Variants in RPTOR observed in about 807,000 individuals in gnomAD.
RPTOR encodes regulatory-associated protein of mTOR.
Under a neutral mutation model 169.9 loss-of-function variants are expected in RPTOR, and 21 were observed. That is an observed-to-expected ratio of 0.12 (90% CI 0.09 to 0.18). The LOEUF is 0.18. RPTOR is among the 10% of genes least tolerant of loss of function. The pLI, the probability that RPTOR is intolerant of heterozygous loss-of-function variation, is 1.00. For synonymous variants in RPTOR, 732 were observed against 753.2 expected (o/e 0.97, Z 0.46); for missense variants, 1,133 against 1,855.9 (o/e 0.61, Z 7.16).
intron 6 of RPTOR, among the ~76,000 whole-genome samples, chr17:80,768,204 G>A (rs1207196769): frequency 6.6e-6 from 1 of 151,972 alleles, no homozygotes; most frequent in Admixed American, 6.6e-5. Context: ...TATATTTTTG[G>A]TTCACGTTGG....
At chr17:80,832,456 C>T (rs1252158798) in intron 9 of RPTOR, among the ~76,000 whole-genome samples, 1 of 152,212 alleles carries the variant, frequency 6.6e-6, no homozygotes, top group East Asian at 1.9e-4. Flanking sequence ...GGTCCAGCCT[C>T]ATCCAGGGAG....
chr17:80,867,700 C>T (rs910151821), intron 13 of RPTOR, among the ~76,000 whole-genome samples: 32 of 151,942 alleles, frequency 2.1e-4, no homozygotes, highest in African/African-American at 6.3e-4. Context: ...ATACAAAAAT[C>T]AATTTATGTA....
chr17:80,765,270 C>T (rs562691814), intron 6 of RPTOR, among the ~76,000 whole-genome samples: 20 of 152,262 alleles, frequency 1.3e-4, no homozygotes, highest in Non-Finnish European at 1.8e-4. Context: ...CACTTGCTCT[C>T]AGTTCTTCTT....
chr17:80,626,776 A>AATTATTATTATTATTATT (rs143412094), intron 2 of RPTOR, among the ~76,000 whole-genome samples: 2 of 141,018 alleles, frequency 1.4e-5, no homozygotes, highest in African/African-American at 2.6e-5. Flanking sequence ...CCATTCTAGG[A>AATTATTATTATTATTATT]ATTATTATTA....
chr17:80,649,085 A>G (rs1201597056), intron 3 of RPTOR, among the ~76,000 whole-genome samples: 1 of 152,238 alleles, frequency 6.6e-6, no homozygotes, highest in Non-Finnish European at 1.5e-5. Context: ...ATACAGATGC[A>G]GTCAAGACGC....
At chr17:80,829,582 A>C (rs112142804) in intron 9 of RPTOR, among the ~76,000 whole-genome samples, 6 of 152,208 alleles carry the variant, frequency 3.9e-5, no homozygotes, top group African/African-American at 1.4e-4. Context: ...ATGAACCCCT[A>C]GGGACAGAGG....
At position 80,639,972 on chromosome 17, in the gene RPTOR, C is replaced by T. The variant is rs1310257182; in HGVS notation, c.266-3756C>T. 2.0e-5 allele frequency among the ~76,000 whole-genome samples: 3 copies of T among 152,340 alleles called. No individual in the cohort carries two copies. In the East Asian group the frequency reaches 5.8e-4, roughly 29 times the overall value. Reference sequence around the variant, plus strand: ...TGACTGCTTTAAACTTCAGCTTGCCCTTCTGTCCCATGAGGTGGGTTGGAC... The same window carrying T: ...TGACTGCTTTAAACTTCAGCTTGCCTTTCTGTCCCATGAGGTGGGTTGGAC... On this transcript the variant is annotated intron_variant, in intron 2 of 33. Coordinates refer to ENST00000306801, the MANE Select transcript of RPTOR (RefSeq NM_020761.3).
intron 3 of RPTOR, among the ~76,000 whole-genome samples, chr17:80,694,053 T>C (rs1057443239): frequency 6.6e-6 from 1 of 152,256 alleles, no homozygotes; most frequent in Non-Finnish European, 1.5e-5. Flanking sequence ...CTTCAGAAAG[T>C]AAAGAGCGCT....
intron 23 of RPTOR, among the ~76,000 whole-genome samples, chr17:80,924,435 G>A (rs550962278): frequency 4.6e-5 from 7 of 152,260 alleles, no homozygotes; most frequent in South Asian, 4.1e-4. Context: ...GTTAGCGGCC[G>A]CCTTGCAGGA....
intron 17 of RPTOR, among the ~76,000 whole-genome samples, chr17:80,891,011 TGTC>T (rs1312287371): frequency 1.3e-5 from 2 of 152,032 alleles, no homozygotes; most frequent in African/African-American, 2.4e-5. Context: ...CAGAAAAAGT[TGTC>T]GTAGGGAAAA....
intron 7 of RPTOR, among the ~76,000 whole-genome samples, chr17:80,819,327 T>C (rs1453976937): frequency 6.6e-6 from 1 of 152,250 alleles, no homozygotes; most frequent in African/African-American, 2.4e-5. Flanking sequence ...TCCAATTGTT[T>C]CTCCTTGCAC....
At chr17:80,665,028 C>G (rs1410971675) in intron 3 of RPTOR, among the ~76,000 whole-genome samples, 1 of 152,174 alleles carries the variant, frequency 6.6e-6, no homozygotes, top group Admixed American at 6.5e-5. Context: ...TCCCTCCTTT[C>G]TTCCCTCTTT....
At chr17:80,604,602 C>T (rs2065214800) in intron 1 of RPTOR, among the ~76,000 whole-genome samples, 1 of 152,130 alleles carries the variant, frequency 6.6e-6, no homozygotes, top group Non-Finnish European at 1.5e-5. Context: ...AAAGACATAC[C>T]AGAGACAGGG....
chr17:80,713,956 G>A (rs2066218326), intron 4 of RPTOR, among the ~76,000 whole-genome samples: 2 of 151,722 alleles, frequency 1.3e-5, no homozygotes, highest in South Asian at 4.1e-4. Flanking sequence ...ATTTTTTTTT[G>A]AGATGGAGTC....
At position 80,707,202 on chromosome 17, in the gene RPTOR, A is replaced by T. The variant is rs986888786; in HGVS notation, c.349-639A>T. The stretch of plus-strand genomic sequence containing the variant: ...ATTGCAGGCTCCTTCATTTGAGCAA[A>T]TTCTCTCTTCCATGCTCCAGATGTT... On this transcript the variant is annotated intron_variant, in intron 3 of 33. Coordinates refer to ENST00000306801, the MANE Select transcript of RPTOR (RefSeq NM_020761.3). This position sits in a 1 kb window ranked among gnomAD's most constrained non-coding sequence, Gnocchi z 5.0. 2.0e-5 allele frequency among the ~76,000 whole-genome samples: 3 copies of T among 152,232 alleles called. No homozygotes were observed. Among genetic ancestry groups the T allele is most frequent in the African/African-American group, 7.2e-5 (3 of 41,530 alleles).
At position 80,878,353 on chromosome 17, in the gene RPTOR, T is replaced by A. The variant is rs1298849278; in HGVS notation, c.1510-2062T>A. ...TCTGACTCCACGACCTGAGCACAGA[T>A]TTTTTTTTTTTGAGACGTAGTCTTG... On this transcript the variant is annotated intron_variant, in intron 13 of 33. Transcript: ENST00000306801. The surrounding 1 kb of genome is among the most constrained non-coding windows in gnomAD (Gnocchi z 4.1). 6.9e-6 allele frequency among the ~76,000 whole-genome samples: 1 copy of A among 145,520 alleles called. No individual in the cohort carries two copies. Among genetic ancestry groups the A allele is most frequent in the Non-Finnish European group, 1.5e-5 (1 of 66,288 alleles).
chr17:80,672,745 G>T (rs907364383), intron 3 of RPTOR, among the ~76,000 whole-genome samples: 1 of 151,906 alleles, frequency 6.6e-6, no homozygotes, highest in African/African-American at 2.4e-5. Flanking sequence ...AGCCGAGATC[G>T]CGTCACTGCA....
intron 1 of RPTOR, among the ~76,000 whole-genome samples, chr17:80,565,915 C>T (rs912367939): frequency 4.6e-5 from 7 of 152,204 alleles, no homozygotes; most frequent in African/African-American, 1.7e-4. Context: ...CTTTGGTGCC[C>T]GGTTTCTACA....
intron 2 of RPTOR, among the ~76,000 whole-genome samples, chr17:80,639,273 C>T (rs575160443): frequency 6.0e-5 from 9 of 150,718 alleles, no homozygotes; most frequent in Non-Finnish European, 1.2e-4. Flanking sequence ...AGGCAGCACT[C>T]AATATGTCAA....
Sources: gnomAD v4.1 joint callset for allele counts (sites outside exome capture counted in the v4.1 genomes callset) on GRCh38, gnomAD v4.1.1 for gene constraint, Gnocchi (gnomAD v3.1) non-coding constraint, MANE v1.5 for transcripts, NCBI Gene and HGNC (gene_info 2026-07-23, HGNC 2026-07-21) for gene names.